ERAP1: variants seen among roughly 807,000 people sequenced by gnomAD.
ERAP1 encodes the protein endoplasmic reticulum aminopeptidase 1.
Under a neutral mutation model 103.7 loss-of-function variants are expected in ERAP1, and 86 were observed. The ratio of observed to expected loss-of-function variants is 0.83; its 90% CI spans 0.70 to 0.99. The LOEUF (loss-of-function observed/expected upper bound fraction) is 0.99. Ranked by LOEUF, ERAP1 falls within the 50% of genes least tolerant of loss-of-function variation. The pLI, the probability that ERAP1 is intolerant of heterozygous loss-of-function variation, is 0.00. For missense variants in ERAP1, 1,009 were observed against 1,128.4 expected, an observed-to-expected ratio of 0.89 and a Z score of 1.52; for synonymous variants, 398 against 402.4, an observed-to-expected ratio of 0.99 and a Z score of 0.13.
At chr5:96,831,710 T>TG in the ERAP1 span, among the ~76,000 whole-genome samples, 1 of 152,220 alleles carries the variant, frequency 6.6e-6, no homozygotes, top group Admixed American at 6.5e-5. Flanking sequence ...AGCATCTGTC[T>TG]GGCTGGGAAA....
chr5:96,893,904 AG>A, the ERAP1 span, among the ~76,000 whole-genome samples: 1 of 152,188 alleles, frequency 6.6e-6, no homozygotes, highest in Non-Finnish European at 1.5e-5. Context: ...TGAACATGCC[AG>A]GTTGTATCAC....
the ERAP1 span, among the ~76,000 whole-genome samples, chr5:96,834,948 T>G: frequency 2.0e-5 from 3 of 152,260 alleles, no homozygotes; most frequent in South Asian, 6.2e-4. Flanking sequence ...GACTGTAAAT[T>G]TACATTTTAA....
intron 14 of ERAP1, among the ~76,000 whole-genome samples, 183 bp from the exon 15 acceptor site, chr5:96,783,418 A>G (rs1775514279): frequency 7.0e-6 from 1 of 143,010 alleles, no homozygotes; most frequent in African/African-American, 2.6e-5. Context: ...ATGATGAATG[A>G]CTTTCATATT....
At chr5:96,784,223 G>A (rs528956153) in intron 13 of ERAP1, 143 bp from the exon 14 acceptor site, 54 of 854,476 alleles carry the variant, frequency 6.3e-5, no homozygotes, top group African/African-American at 2.2e-4. Context: ...GGCCGGGCGC[G>A]GTGGCTCATG....
chr5:96,871,987 A>G, the ERAP1 span, among the ~76,000 whole-genome samples: 2 of 152,134 alleles, frequency 1.3e-5, no homozygotes, highest in African/African-American at 2.4e-5. Flanking sequence ...TAAGGCTCTG[A>G]GTCTTTATAC....
chr5:96,795,030 C>T lies in ERAP1; in HGVS notation c.919+12G>A, dbSNP rs760374644. ...TCAAATGTCATGTGTAATATCTGTG[C>T]AAAATCTCTACCTTGTTTGGGTAGG... is the stretch of plus-strand genomic sequence containing the variant. On this transcript the variant is annotated intron_variant, in intron 5 of 18. Coordinates refer to ENST00000443439, the MANE Select transcript of ERAP1 (RefSeq NM_001040458.3). 4 of 1,613,552 alleles carry T rather than the reference C, an allele frequency of 2.5e-6. No homozygotes were observed. In the African/African-American group the frequency reaches 5.3e-5, roughly 22 times the overall value.
At chr5:96,885,344 T>C in the ERAP1 span, among the ~76,000 whole-genome samples, 1 of 152,170 alleles carries the variant, frequency 6.6e-6, no homozygotes, top group Admixed American at 6.5e-5. Context: ...AGAACACTGG[T>C]TGAATCAGCT....
the ERAP1 span, chr5:96,889,619 G>T: frequency 1.5e-6 from 1 of 645,916 alleles, no homozygotes; most frequent in South Asian, 1.8e-5. Flanking sequence ...GAGGGTCCAG[G>T]AAAGAGATGG....
intron 4 of ERAP1, among the ~76,000 whole-genome samples, chr5:96,795,933 G>T (rs1251561857): frequency 6.6e-6 from 1 of 152,162 alleles, no homozygotes; most frequent in Non-Finnish European, 1.5e-5. Flanking sequence ...ATAATTGTAT[G>T]CTTAATGTGT....
At chr5:96,771,746 T>C, downstream of ERAP1, 1 of 1,187,694 alleles carries the variant, frequency 8.4e-7, no homozygotes, top group South Asian at 1.2e-5. Flanking sequence ...CTGTATCTTC[T>C]GCCAATTTAT....
intron 3 of ERAP1, among the ~76,000 whole-genome samples, chr5:96,798,514 G>A (rs62364751): frequency 0.07 from 10,674 of 151,892 alleles, 445 homozygotes; most frequent in Middle Eastern, 0.13. Flanking sequence ...AGAATTAGCT[G>A]GGTGAAACCA....
chr5:96,903,532 C>T, the ERAP1 span: 416 of 1,608,652 alleles, frequency 2.6e-4, 1 homozygote, highest in African/African-American at 5.0e-3. Context: ...CAGAGTAGGT[C>T]TGATTCATGA....
chr5:96,899,617 C>T, the ERAP1 span, among the ~76,000 whole-genome samples: 4 of 152,168 alleles, frequency 2.6e-5, no homozygotes, highest in East Asian at 3.9e-4. Flanking sequence ...CCAGTTAGTT[C>T]GAAATATTGT....
At chr5:96,901,627 G>A in the ERAP1 span, 34 of 1,613,972 alleles carry the variant, frequency 2.1e-5, no homozygotes, top group Non-Finnish European at 2.8e-5. Context: ...CAACAGGAGC[G>A]CTTCCTCCAG....
the ERAP1 span, among the ~76,000 whole-genome samples, chr5:96,851,297 G>GGTTTCCTTAATC: frequency 1.3e-5 from 2 of 152,118 alleles, no homozygotes; most frequent in African/African-American, 4.8e-5. Flanking sequence ...AGGTGAACTT[G>GGTTTCCTTAATC]GTTTCCTTAA....
the ERAP1 span, among the ~76,000 whole-genome samples, chr5:96,824,241 C>T: frequency 3.6e-4 from 55 of 152,334 alleles, no homozygotes; most frequent in South Asian, 0.01. Context: ...TTCAAATGTT[C>T]ATCCCCTTGA....
chr5:96,789,824 T>C (rs561810133), intron 10 of ERAP1, among the ~76,000 whole-genome samples: 1 of 152,320 alleles, frequency 6.6e-6, no homozygotes, highest in African/African-American at 2.4e-5. Context: ...ACTTTAAAAA[T>C]AGGGATAGTA....
rs191859005 is a variant in ERAP1, at chr5:96,786,220, T to C, written c.1760-249A>G. On this transcript the variant is annotated intron_variant, in intron 12 of 18. Coordinates refer to ENST00000443439, the MANE Select transcript of ERAP1 (RefSeq NM_001040458.3). ...GCAACTACATCTCTGGCCATACATA[T>C]GATATAACCCAGTAATGTTAACAAA... Among the ~76,000 whole-genome samples, 4 of 152,346 alleles carry C rather than the reference T, an allele frequency of 2.6e-5. No homozygotes were observed. The East Asian group carries it at 7.7e-4, about 29-fold the overall frequency.
the ERAP1 span, among the ~76,000 whole-genome samples, chr5:96,829,629 A>C: frequency 6.6e-6 from 1 of 152,232 alleles, no homozygotes; most frequent in South Asian, 2.1e-4. Context: ...GCGAGGACAC[A>C]GGGAAGCAGA....
Sources: allele counts gnomAD v4.1 joint callset (sites outside exome capture counted in the v4.1 genomes callset), GRCh38; gene constraint gnomAD v4.1.1; transcripts MANE v1.5; gene names NCBI Gene and HGNC (gene_info 2026-07-23, HGNC 2026-07-21).